SAMD11: variants seen among roughly 807,000 people sequenced by gnomAD.
SAMD11 encodes the protein sterile alpha motif domain containing 11, also known as sterile alpha motif domain-containing protein 11.
SAMD11 carries 77 observed loss-of-function variants against 64.4 expected under a neutral mutation model. That is an observed-to-expected ratio of 1.20 (90% CI 0.99 to 1.44). The LOEUF (loss-of-function observed/expected upper bound fraction) is 1.44, where lower values mean the gene tolerates loss of function less well. Among genes scored for constraint, SAMD11 ranks in the 40% most tolerant of loss-of-function variants. The pLI is 0.00. For missense variants in SAMD11, 1,402 were observed against 943.3 expected (o/e 1.49, Z -6.37); for synonymous variants, 658 against 421.9 (o/e 1.56, Z -6.86).
At chr1:929,251 G>A (rs1641053554) in intron 2 of SAMD11, among the ~76,000 whole-genome samples, 1 of 152,214 alleles carries the variant, frequency 6.6e-6, no homozygotes, top group East Asian at 1.9e-4. Context: ...GCTCTGCAGG[G>A]ACCACAGCGG....
intron 4 of SAMD11, among the ~76,000 whole-genome samples, chr1:933,817 G>C (rs1193380614): frequency 6.6e-6 from 1 of 152,098 alleles, no homozygotes; most frequent in Non-Finnish European, 1.5e-5. Flanking sequence ...GGAAGGTTTA[G>C]AGCCCAGCCT....
chr1:925,848 G>A (rs1640856357), intron 1 of SAMD11, 74 bp from the exon 2 acceptor site: 2 of 1,054,556 alleles, frequency 1.9e-6, no homozygotes, highest in Non-Finnish European at 2.9e-6. Flanking sequence ...CGGGGAGGGG[G>A]TACTGGCCCT....
intron 9 of SAMD11, 59 bp from the exon 10 acceptor site, chr1:942,351 A>G: frequency 1.7e-6 from 2 of 1,197,336 alleles, no homozygotes; most frequent in Non-Finnish European, 2.3e-6. Flanking sequence ...GGGGATTGCA[A>G]AGGGCCGGCT....
At position 943,236 on chromosome 1, in the gene SAMD11, C is replaced by T. The variant is rs373790811; in HGVS notation, c.2054-17C>T. On this transcript the variant is annotated splice_polypyrimidine_tract_variant and intron_variant, in intron 11 of 13. Coordinates refer to ENST00000616016, the MANE Select transcript of SAMD11 (RefSeq NM_001385641.1). Reference sequence around the variant, plus strand: ...GGAAAGCCAGCCAGAGCCCTAGTAACACGCCCCACAACTCAGGCGCGGTAG... The same window carrying T: ...GGAAAGCCAGCCAGAGCCCTAGTAATACGCCCCACAACTCAGGCGCGGTAG... The T allele has an allele frequency of 3.7e-6, 6 of 1,612,646 alleles. No individual in the cohort carries two copies. Among genetic ancestry groups the T allele is most frequent in the Non-Finnish European group, 3.4e-6 (4 of 1,179,748 alleles).
Position 930,373 on chromosome 1 carries a change from T to C in SAMD11, c.791+37T>C. 2 of 1,559,808 alleles carry C rather than the reference T, an allele frequency of 1.3e-6. 1 individual carries two copies. Among genetic ancestry groups the C allele is most frequent in the Non-Finnish European group, 1.7e-6 (2 of 1,149,436 alleles). ...AGGGCCGGACAGGAAGGCGCAAGGC[T>C]CAGATGGGGCTGGAGCTTCAGGCCT... On this transcript the variant is annotated intron_variant, in intron 3 of 13. Coordinates refer to ENST00000616016, the MANE Select transcript of SAMD11 (RefSeq NM_001385641.1).
chr1:927,181 C>T (rs1389567729), intron 2 of SAMD11, among the ~76,000 whole-genome samples: 1 of 152,212 alleles, frequency 6.6e-6, no homozygotes, highest in Non-Finnish European at 1.5e-5. Context: ...GGCAGGTGTG[C>T]AGACAGCCGG....
Position 924,237 on chromosome 1 carries a change from C to G in SAMD11, c.-195C>G, listed in dbSNP as rs1569853470. On this transcript the variant is annotated 5_prime_UTR_variant, in exon 1 of 14. Transcript: ENST00000616016. ...TCCATGTCTCCGGCCTCTGAGGCCC[C>G]GCCGGCCGGCTGGGCAGTCCGGGGA... is the stretch of plus-strand genomic sequence containing the variant. 1 of 149,736 alleles carries G rather than the reference C, an allele frequency of 6.7e-6. No homozygotes were observed. The highest frequency in any genetic ancestry group is 1.5e-5 in the Non-Finnish European group (1 of 67,162). 9.3% of individuals were successfully genotyped at this position (149,736 alleles called of 1,614,324 possible).
intron 4 of SAMD11, 60 bp downstream of exon 4, chr1:931,149 C>T: frequency 2.0e-6 from 3 of 1,500,546 alleles, no homozygotes; most frequent in Non-Finnish European, 2.8e-6. Context: ...TCCCTCCCAC[C>T]CCTGACCGTG....
At chr1:933,992 TG>T (rs1557603527) in intron 4 of SAMD11, among the ~76,000 whole-genome samples, 3 of 147,160 alleles carry the variant, frequency 2.0e-5, no homozygotes, top group African/African-American at 5.2e-5. Context: ...GGGAGGCGGC[TG>T]CGTTACAGGT....
At chr1:926,999 G>A (rs929119251) in intron 2 of SAMD11, among the ~76,000 whole-genome samples, 15 of 152,016 alleles carry the variant, frequency 9.9e-5, no homozygotes, top group Admixed American at 3.9e-4. Flanking sequence ...CATGAGTGCC[G>A]TAGCCAGGGA....
chr1:944,440 CGT>C lies in SAMD11; in HGVS notation c.*288_*289del. 3.1e-6 allele frequency: 3 copies of C among 976,482 alleles called. No homozygotes were observed. Among genetic ancestry groups the C allele is most frequent in the Non-Finnish European group, 4.2e-6 (3 of 708,434 alleles). 60.5% of individuals were successfully genotyped at this position (976,482 alleles called of 1,614,324 possible). On this transcript the variant is annotated 3_prime_UTR_variant, in exon 14 of 14. Transcript: ENST00000616016. ...ACTGGGACTGGTCTCGGTCTGCTGACGTCAGGGTCAGCTCCCCCGCGGAGCTG... is the reference window on the plus strand; with the variant it reads ...ACTGGGACTGGTCTCGGTCTGCTGACCAGGGTCAGCTCCCCCGCGGAGCTG...
At chr1:938,936 G>A (rs1641601724) in intron 5 of SAMD11, 104 bp from the exon 6 acceptor site, 2 of 1,009,388 alleles carry the variant, frequency 2.0e-6, no homozygotes, top group South Asian at 1.4e-5. Flanking sequence ...AGGACCAAGG[G>A]CCCCCTGAGA....
chr1:944,082 T>C lies in SAMD11; in HGVS notation c.2464T>C (p.Ser822Pro), dbSNP rs747909292. The C allele has an allele frequency of 1.9e-6, 3 of 1,612,278 alleles. No homozygotes were observed. Among genetic ancestry groups the C allele is most frequent in the Non-Finnish European group, 2.5e-6 (3 of 1,179,810 alleles). ...GGGCCACGCCCTTGCCGGTCAAACT[T>C]CACCCAAGCAGGAGAATGGGACCTT... ...GGGHALAGQT[S>P]PKQENGTLAL... Residue 822 changes from serine to proline, a missense_variant, in exon 14 of 14, where the codon TCA (serine) becomes CCA (proline). Ser to Pro is a moderately conservative substitution (Grantham distance 74). Coordinates refer to ENST00000616016, the MANE Select transcript of SAMD11 (RefSeq NM_001385641.1).
chr1:926,093 A>G (rs1640871351), intron 2 of SAMD11, 80 bp downstream of exon 2: 1 of 1,381,876 alleles, frequency 7.2e-7, no homozygotes, highest in Non-Finnish European at 1.0e-6. Flanking sequence ...GGTTTTCAGG[A>G]TCGAGAGTCC....
chr1:935,312 C>T (rs534555994), intron 4 of SAMD11, among the ~76,000 whole-genome samples: 48 of 152,242 alleles, frequency 3.2e-4, no homozygotes, highest in African/African-American at 1.1e-3. Context: ...TGGTCTGGGC[C>T]TCAGTTTCCT....
chr1:928,943 T>C (rs1228671452), intron 2 of SAMD11, among the ~76,000 whole-genome samples: 5 of 152,090 alleles, frequency 3.3e-5, no homozygotes, highest in African/African-American at 9.7e-5. Flanking sequence ...CGGGCTGTGT[T>C]GTGGCAATGG....
rs1396706943 is a variant in SAMD11, at chr1:943,966, T to C, written c.2348T>C (p.Leu783Pro). Residue 783 changes from leucine (L) to proline (P), a missense_variant, in exon 14 of 14, where the codon CTG (leucine) becomes CCG (proline). By Grantham distance (98) the Leu-to-Pro change is moderately conservative (BLOSUM62 -3). Transcript: ENST00000616016. ...GCCAGCTTCCCCGTGGCTCTGCCAC[T>C]GCAGCCACCAACCCTGCGGGCCCCG... Reference protein sequence around the residue: ...YVASFPVALPLQPPTLRAPER... With the variant: ...YVASFPVALPPQPPTLRAPER... 2.5e-6 allele frequency: 4 copies of C among 1,612,776 alleles called. No individual in the cohort carries two copies. Among genetic ancestry groups the C allele is most frequent in the South Asian group, 2.2e-5 (2 of 91,064 alleles).
rs932355718 is a variant in SAMD11 at position 943,639 on chromosome 1, G to C, written c.2179-59G>C. On this transcript the variant is annotated intron_variant, in intron 12 of 13. Coordinates refer to ENST00000616016, the MANE Select transcript of SAMD11 (RefSeq NM_001385641.1). ...TGCACAAACAGCTCCTCTTGGCTCT[G>C]CTGGGCTGGAGGATGGAGCAGCACC... 2.8e-6 allele frequency: 4 copies of C among 1,453,056 alleles called. No individual in the cohort carries two copies. In the African/African-American group the frequency reaches 5.8e-5, roughly 21 times the overall value. The allele number at this position is 1,453,056 out of a possible 1,614,324, so 90.0% of individuals were successfully genotyped here.
Position 944,205 on chromosome 1 carries a change from A to G in SAMD11, c.*52A>G, listed in dbSNP as rs1293407661. 1 of 1,495,314 alleles carries G rather than the reference A, an allele frequency of 6.7e-7. No individual in the cohort carries two copies. The highest frequency in any genetic ancestry group is 2.4e-5 in the Admixed American group (1 of 42,354). The allele number at this position is 1,495,314 out of a possible 1,614,324, so 92.6% of individuals were successfully genotyped here. A position where few individuals can be genotyped will look rare whatever the true frequency, so the allele number is the denominator to read the frequency against. ...CACAAATCTCCAGGAGCCACCACTC[A>G]ACACAATGGCCCTGCCTCCCACCGC... On this transcript the variant is annotated 3_prime_UTR_variant, in exon 14 of 14. Transcript: ENST00000616016.
Sources: gnomAD v4.1 joint callset for allele counts (sites outside exome capture counted in the v4.1 genomes callset) on GRCh38, gnomAD v4.1.1 for gene constraint, MANE v1.5 for transcripts, NCBI Gene and HGNC (gene_info 2026-07-23, HGNC 2026-07-21) for gene names.